STK33: variants seen among roughly 807,000 people sequenced by gnomAD.
The protein encoded by STK33 is serine/threonine-protein kinase 33.
Under a neutral mutation model 58.0 loss-of-function variants are expected in STK33, and 52 were observed. The ratio of observed to expected loss-of-function variants is 0.90; its 90% CI spans 0.72 to 1.13. STK33 has a LOEUF of 1.13. Ranked by LOEUF, STK33 falls within the 50% of genes most tolerant of loss-of-function variation. The pLI, the probability that STK33 is intolerant of heterozygous loss-of-function variation, is 0.00. For missense variants in STK33, 630 were observed against 604.2 expected (o/e 1.04, Z -0.45); for synonymous variants, 215 against 200.1 (o/e 1.07, Z -0.63).
the STK33 span, among the ~76,000 whole-genome samples, chr11:8,368,277 C>T: frequency 6.6e-6 from 1 of 152,210 alleles, no homozygotes; most frequent in Non-Finnish European, 1.5e-5. Context: ...CCTCCTGTGT[C>T]CCCAGTTTCC....
intron 1 of STK33, among the ~76,000 whole-genome samples, chr11:8,587,518 A>C (rs1314761219): frequency 6.6e-6 from 1 of 151,996 alleles, no homozygotes; most frequent in Non-Finnish European, 1.5e-5. Flanking sequence ...CACTCCAAGA[A>C]AAGGAGTTCT....
At chr11:8,393,779 G>A (rs1033994957) in intron 15 of STK33, among the ~76,000 whole-genome samples, 2 of 152,216 alleles carry the variant, frequency 1.3e-5, no homozygotes, top group Non-Finnish European at 2.9e-5. Flanking sequence ...GTGATGTAAT[G>A]ACCACGTTTA....
chr11:8,449,585 G>A (rs1946004026), intron 11 of STK33, among the ~76,000 whole-genome samples: 1 of 143,144 alleles, frequency 7.0e-6, no homozygotes, highest in African/African-American at 2.6e-5. Context: ...TGAACGATGA[G>A]AACACATGGA....
At chr11:8,561,165 A>C (rs556058253) in intron 1 of STK33, among the ~76,000 whole-genome samples, 1 of 152,268 alleles carries the variant, frequency 6.6e-6, no homozygotes, top group African/African-American at 2.4e-5. Flanking sequence ...CTGCTTCTTC[A>C]TTCCCAAGTT....
chr11:8,429,631 G>A (rs563881865), intron 14 of STK33, among the ~76,000 whole-genome samples: 7 of 152,022 alleles, frequency 4.6e-5, no homozygotes, highest in Middle Eastern at 3.4e-3. Flanking sequence ...TTGCCACCAC[G>A]ACAACCATAT....
intron 1 of STK33, among the ~76,000 whole-genome samples, chr11:8,486,066 A>C (rs1950172468): frequency 6.6e-6 from 1 of 152,134 alleles, no homozygotes; most frequent in Non-Finnish European, 1.5e-5. Context: ...TCTTGCCTGG[A>C]TTACTGCAAG....
At chr11:8,420,713 T>C (rs142937185) in intron 14 of STK33, among the ~76,000 whole-genome samples, 77 of 152,336 alleles carry the variant, frequency 5.1e-4, no homozygotes, top group South Asian at 1.7e-3. Context: ...AAAAGGAATA[T>C]TGACCAGGTG....
At chr11:8,445,558 A>T (rs1259159957) in intron 11 of STK33, among the ~76,000 whole-genome samples, 2 of 152,192 alleles carry the variant, frequency 1.3e-5, no homozygotes, top group African/African-American at 4.8e-5. Context: ...CGTTTCATCA[A>T]TACCTAGTTT....
intron 1 of STK33, among the ~76,000 whole-genome samples, chr11:8,543,698 G>C (rs1955693919): frequency 6.6e-6 from 1 of 152,072 alleles, no homozygotes. Context: ...ACAACAGGGT[G>C]ACTATAGTCA....
rs1167321924 is a variant in STK33 at position 8,464,706 on chromosome 11, T to C, written c.453+3A>G. The C allele has an allele frequency of 6.2e-7, 1 of 1,607,824 alleles. No individual in the cohort carries two copies. The highest frequency in any genetic ancestry group is 2.2e-5 in the East Asian group (1 of 44,842). On this transcript the variant is annotated splice_donor_region_variant and intron_variant, in intron 7 of 15. Transcript: ENST00000687296. ...TCAGTAGGATGCTGCTAATGAGCCT[T>C]ACCTTTTCTTTGTTCACTTTTTTAA... is the stretch of plus-strand genomic sequence containing the variant.
rs537038201 is a variant in STK33, at chr11:8,506,567, A to AT, written c.-465-25954dup. 2.4e-3 allele frequency among the ~76,000 whole-genome samples: 363 copies of AT among 152,156 alleles called. 4 individuals are homozygous for AT. Among genetic ancestry groups the AT allele is most frequent in the East Asian group, 0.017 (90 of 5,162 alleles). ...CTCCACAGCTGGGAAAGGTTCTCCGATTTTTTTAAGGACTCGTGTGATTAG... is the reference window on the plus strand; with the variant it reads ...CTCCACAGCTGGGAAAGGTTCTCCGATTTTTTTTAAGGACTCGTGTGATTAG... On this transcript the variant is annotated intron_variant, in intron 1 of 15. Transcript: ENST00000687296.
chr11:8,401,695 G>A (rs1412836837), intron 15 of STK33, among the ~76,000 whole-genome samples: 1 of 152,146 alleles, frequency 6.6e-6, no homozygotes, highest in East Asian at 1.9e-4. Flanking sequence ...CCTACAGAAT[G>A]GGAGAAAATT....
At position 8,393,628 on chromosome 11, in the gene STK33, A is replaced by G. The variant is rs58239231; in HGVS notation, c.1345-918T>C. On this transcript the variant is annotated intron_variant, in intron 15 of 15. Transcript: ENST00000687296. ...GTTTACAGAGAATGATCGAGGAAAG[A>G]GCTCACAGGTTTAATACTCTGGTTA... Among the ~76,000 whole-genome samples the G allele has an allele frequency of 8.5e-5, 13 of 152,328 alleles. No homozygotes were observed. In the East Asian group the frequency reaches 2.5e-3, roughly 29 times the overall value.
At chr11:8,510,061 T>C (rs1220705129) in intron 1 of STK33, among the ~76,000 whole-genome samples, 1 of 152,004 alleles carries the variant, frequency 6.6e-6, no homozygotes, top group African/African-American at 2.4e-5. Flanking sequence ...CTACTTTTGG[T>C]TCTTTAAGAA....
At position 8,435,492 on chromosome 11, in the gene STK33, A is replaced by T; in HGVS notation, c.1146+2T>A. ...AAAGAAAAAAGTAATATTGTAACTT[A>T]CTGTTAACCACTGGTTATCTAGTAG... On this transcript the variant is annotated splice_donor_variant, in intron 14 of 15. Transcript: ENST00000687296. LOFTEE classifies it high-confidence loss of function. 7.1e-7 allele frequency: 1 copy of T among 1,411,840 alleles called. No homozygotes were observed. The highest frequency in any genetic ancestry group is 9.4e-7 in the Non-Finnish European group (1 of 1,060,620). The allele number at this position is 1,411,840 out of a possible 1,614,324, so 87.5% of individuals were successfully genotyped here.
intron 15 of STK33, among the ~76,000 whole-genome samples, chr11:8,411,883 A>C (rs939479614): frequency 6.6e-6 from 1 of 152,216 alleles, no homozygotes; most frequent in Non-Finnish European, 1.5e-5. Context: ...CAAACAATTC[A>C]AATTCCAATT....
At chr11:8,570,068 C>A (rs1042530202) in intron 1 of STK33, among the ~76,000 whole-genome samples, 2 of 151,908 alleles carry the variant, frequency 1.3e-5, no homozygotes, top group Admixed American at 6.6e-5. Context: ...ATTCCTACAA[C>A]TCAAAAATAA....
At chr11:8,397,142 C>G (rs112490658) in intron 15 of STK33, among the ~76,000 whole-genome samples, 23 of 152,368 alleles carry the variant, frequency 1.5e-4, no homozygotes, top group African/African-American at 5.5e-4. Context: ...AGCTGGACAT[C>G]TGAGAATGGA....
At chr11:8,339,177 G>A in the STK33 span, among the ~76,000 whole-genome samples, 5 of 152,132 alleles carry the variant, frequency 3.3e-5, no homozygotes, top group Admixed American at 3.3e-4. Context: ...AACCAAAGGA[G>A]GGGTTTGGGG....
Sources: allele counts gnomAD v4.1 joint callset (sites outside exome capture counted in the v4.1 genomes callset), GRCh38; gene constraint gnomAD v4.1.1; transcripts MANE v1.5; gene names NCBI Gene and HGNC (gene_info 2026-07-23, HGNC 2026-07-21).